The following CA1 variants were observed in gnomAD, a reference collection of about 807,000 sequenced individuals.
The protein encoded by CA1 is carbonic anhydrase 1.
Under a neutral mutation model 28.8 loss-of-function variants are expected in CA1, and 27 were observed. The observed-to-expected ratio is 0.94, with a 90% CI of 0.69 to 1.29. The LOEUF (loss-of-function observed/expected upper bound fraction) is 1.29. Among genes scored for constraint, CA1 ranks in the 50% most tolerant of loss-of-function variants. The probability of loss-of-function intolerance (pLI) is 0.00; values close to 1 mark genes in which losing one functional copy is unlikely to be tolerated. For missense variants in CA1, 335 were observed against 310.5 expected (o/e 1.08, Z -0.59); for synonymous variants, 121 against 108.8 (o/e 1.11, Z -0.70).
At chr8:85,345,414 A>G (rs576919978) in intron 1 of CA1, among the ~76,000 whole-genome samples, 23 of 152,214 alleles carry the variant, frequency 1.5e-4, no homozygotes, top group Non-Finnish European at 2.9e-4. Flanking sequence ...CATTTGTCAC[A>G]TCTTGCTTGT....
intron 1 of CA1, among the ~76,000 whole-genome samples, chr8:85,367,145 G>GA (rs1810038183): frequency 6.6e-6 from 1 of 151,686 alleles, no homozygotes; most frequent in Non-Finnish European, 1.5e-5. Context: ...CTTGCCTTAA[G>GA]AATAAGCCAA....
Position 85,329,716 on chromosome 8 carries a change from C to A in CA1, c.642G>T (p.Lys214Asn). Residue 214 changes from lysine to asparagine, a missense_variant, in exon 7 of 8, where the codon AAG becomes AAT. Transcript: ENST00000523022. ...LYESVTWIIC[K>N]ESISVSSEQL... is the part of the protein sequence containing the mutation. ...GCTCTGAGCTGACACTGATGCTCTC[C>A]TTACAGATGATCCAAGTTACACTCT... 1 of 1,610,908 alleles carries A rather than the reference C, an allele frequency of 6.2e-7. No individual in the cohort carries two copies. The highest frequency in any genetic ancestry group is 2.2e-5 in the East Asian group (1 of 44,702).
intron 1 of CA1, among the ~76,000 whole-genome samples, chr8:85,360,884 A>G (rs985599532): frequency 2.0e-5 from 3 of 152,198 alleles, no homozygotes; most frequent in Non-Finnish European, 4.4e-5. Flanking sequence ...CCTCCTAAAC[A>G]TAATTTAAAT....
intron 2 of CA1, among the ~76,000 whole-genome samples, 154 bp from the exon 3 acceptor site, chr8:85,338,603 A>G (rs897242283): frequency 3.3e-5 from 5 of 151,290 alleles, no homozygotes; most frequent in Non-Finnish European, 7.4e-5. Context: ...GTGTTTGAAG[A>G]TGTCCCTTTT....
At chr8:85,331,754 G>T (rs888614146) in intron 6 of CA1, among the ~76,000 whole-genome samples, 1 of 151,662 alleles carries the variant, frequency 6.6e-6, no homozygotes, top group African/African-American at 2.4e-5. Flanking sequence ...CACCACACCC[G>T]GCCATCATTT....
chr8:85,341,408 A>C (rs952405946), intron 2 of CA1, 191 bp downstream of exon 2: 13 of 524,228 alleles, frequency 2.5e-5, no homozygotes, highest in Non-Finnish European at 4.1e-5. Context: ...ATATATATCA[A>C]ACATATTTTG....
intron 1 of CA1, among the ~76,000 whole-genome samples, chr8:85,361,703 T>C (rs1809802349): frequency 1.3e-5 from 2 of 151,924 alleles, no homozygotes; most frequent in African/African-American, 4.8e-5. Context: ...AAAAATAAAA[T>C]AAAATAAAAT....
intron 1 of CA1, among the ~76,000 whole-genome samples, chr8:85,348,785 T>TA (rs1302737098): frequency 6.6e-6 from 1 of 152,212 alleles, no homozygotes; most frequent in Non-Finnish European, 1.5e-5. Context: ...ATAAAATACC[T>TA]AAAAATATTT....
chr8:85,369,114 C>A (rs1306589134), intron 1 of CA1, among the ~76,000 whole-genome samples: 3 of 152,140 alleles, frequency 2.0e-5, no homozygotes, highest in African/African-American at 7.2e-5. Context: ...CTGAGAATCT[C>A]CCCCACCTCA....
intron 1 of CA1, among the ~76,000 whole-genome samples, chr8:85,355,730 A>G (rs958416044): frequency 1.3e-5 from 2 of 151,816 alleles, no homozygotes; most frequent in African/African-American, 2.4e-5. Flanking sequence ...TTAAAAGTAT[A>G]TATTTTTTAT....
At chr8:85,361,884 G>A (rs1178731948) in intron 1 of CA1, among the ~76,000 whole-genome samples, 1 of 152,068 alleles carries the variant, frequency 6.6e-6, no homozygotes, top group Non-Finnish European at 1.5e-5. Context: ...TACCTTCTCT[G>A]GGCAGGCAAT....
At chr8:85,365,694 C>T (rs1585964098) in intron 1 of CA1, among the ~76,000 whole-genome samples, 2 of 152,202 alleles carry the variant, frequency 1.3e-5, no homozygotes, top group East Asian at 3.9e-4. Flanking sequence ...ATAGCCTGGG[C>T]TTGTTAATTT....
At chr8:85,337,429 A>C (rs1219568108) in intron 3 of CA1, among the ~76,000 whole-genome samples, 1 of 152,228 alleles carries the variant, frequency 6.6e-6, no homozygotes, top group Non-Finnish European at 1.5e-5. Context: ...CAACAAAGAC[A>C]GTATGCATCA....
intron 5 of CA1, 72 bp from the exon 6 acceptor site, chr8:85,332,624 A>AT (rs1808456643): frequency 2.4e-5 from 28 of 1,150,234 alleles, no homozygotes; most frequent in Non-Finnish European, 3.1e-5. Flanking sequence ...TAAATTTTGA[A>AT]TTTTTTTTCA....
chr8:85,353,613 A>T (rs1175908990), intron 1 of CA1, among the ~76,000 whole-genome samples: 1 of 151,368 alleles, frequency 6.6e-6, no homozygotes, highest in Non-Finnish European at 1.5e-5. Flanking sequence ...TTTGTTTTAC[A>T]TGTTTTGTTT....
chr8:85,331,596 A>T (rs1808405053), intron 6 of CA1, among the ~76,000 whole-genome samples: 1 of 152,012 alleles, frequency 6.6e-6, no homozygotes, highest in Non-Finnish European at 1.5e-5. Flanking sequence ...AGCTAGGACT[A>T]CATGTGTGCG....
At position 85,328,991 on chromosome 8, in the gene CA1, G is replaced by A. The variant is rs567650465; in HGVS notation, c.670-315C>T. On this transcript the variant is annotated intron_variant, in intron 7 of 7. Transcript: ENST00000523022. Reference sequence around the variant, plus strand: ...TTTTAATTTCAGCTGGGGTACGTTGGGCGAGCGACTTATTAGCTTGGTACC... The same window carrying A: ...TTTTAATTTCAGCTGGGGTACGTTGAGCGAGCGACTTATTAGCTTGGTACC... Among the ~76,000 whole-genome samples, 158 of 152,150 alleles carry A rather than the reference G, an allele frequency of 1.0e-3. 1 individual carries two copies. The highest frequency in any genetic ancestry group is 3.4e-3 in the African/African-American group (143 of 41,508).
At chr8:85,374,662 T>C (rs1474425340) in intron 1 of CA1, among the ~76,000 whole-genome samples, 2 of 152,226 alleles carry the variant, frequency 1.3e-5, no homozygotes, top group African/African-American at 4.8e-5. Flanking sequence ...GAAATTATTT[T>C]CCCTCGATTA....
chr8:85,346,217 C>G (rs185863063), intron 1 of CA1, among the ~76,000 whole-genome samples: 15 of 152,210 alleles, frequency 9.9e-5, no homozygotes, highest in African/African-American at 3.6e-4. Context: ...TAGAAAGACA[C>G]ACTGATATTC....
Sources: allele counts gnomAD v4.1 joint callset (sites outside exome capture counted in the v4.1 genomes callset), GRCh38; gene constraint gnomAD v4.1.1; transcripts MANE v1.5; gene names NCBI Gene and HGNC (gene_info 2026-07-23, HGNC 2026-07-21).